The following RIN2 variants were observed in gnomAD, a reference collection of about 807,000 sequenced individuals.
RIN2 encodes the protein RAB5 interacting protein 2.
RIN2 carries 36 observed loss-of-function variants against 78.0 expected under a neutral mutation model. The ratio of observed to expected loss-of-function variants is 0.46; its 90% CI spans 0.35 to 0.61. The LOEUF (loss-of-function observed/expected upper bound fraction) is 0.61, where lower values mean the gene tolerates loss of function less well. Ranked by LOEUF, RIN2 falls within the 20% of genes least tolerant of loss-of-function variation. The pLI is 0.00. For synonymous variants in RIN2, 466 were observed against 466.8 expected, an observed-to-expected ratio of 1.00 and a Z score of 0.02; for missense variants, 1,087 against 1,159.7, an observed-to-expected ratio of 0.94 and a Z score of 0.91.
In RIN2 at chr20:19,984,036, C is replaced by T. The variant is rs112909403; in HGVS notation, c.1763-5970C>T. Among the ~76,000 whole-genome samples the T allele has an allele frequency of 1.5e-4, 21 of 142,778 alleles. No homozygotes were observed. The East Asian group carries it at 3.6e-3, about 25-fold the overall frequency. The allele number at this position is 142,778 out of a possible 152,430, so 93.7% of individuals were successfully genotyped here. A position where few individuals can be genotyped will look rare whatever the true frequency, so the allele number is the denominator to read the frequency against. The stretch of plus-strand genomic sequence containing the variant: ...TAATGCTATCCCTCCCCCCTCCTCC[C>T]ACCCAACAACAGGCCCCCATGAAGC... On this transcript the variant is annotated intron_variant, in intron 9 of 12. Transcript: ENST00000255006.
At chr20:19,859,646 A>G (rs537905556) in intron 2 of RIN2, among the ~76,000 whole-genome samples, 1 of 152,018 alleles carries the variant, frequency 6.6e-6, no homozygotes, top group African/African-American at 2.4e-5. Context: ...CATGCTGACA[A>G]CTCCCACGTG....
Position 19,923,492 on chromosome 20 carries a change from T to A in RIN2, c.58-11607T>A, listed in dbSNP as rs116541578. Among the ~76,000 whole-genome samples, 162 of 139,408 alleles carry A rather than the reference T, an allele frequency of 1.2e-3. 1 individual carries two copies. Among genetic ancestry groups the A allele is most frequent in the African/African-American group, 4.5e-3 (156 of 34,588 alleles). 91.5% of individuals were successfully genotyped at this position (139,408 alleles called of 152,430 possible). A position where few individuals can be genotyped will look rare whatever the true frequency, so the allele number is the denominator to read the frequency against. On this transcript the variant is annotated intron_variant, in intron 3 of 12. Transcript: ENST00000255006. Reference sequence around the variant, plus strand: ...AATAAATAAAATAAAATAAAATAAATATTGGCTGAGAGGTGTGGTTCACAC... The same window carrying A: ...AATAAATAAAATAAAATAAAATAAAAATTGGCTGAGAGGTGTGGTTCACAC...
chr20:19,934,656 C>T, intron 3 of RIN2: 1 of 929,744 alleles, frequency 1.1e-6, no homozygotes, highest in South Asian at 5.0e-5. Flanking sequence ...AAACTCATTT[C>T]TATAACAAAA....
chr20:19,901,920 G>T (rs2038999847), intron 3 of RIN2, among the ~76,000 whole-genome samples: 1 of 151,044 alleles, frequency 6.6e-6, no homozygotes, highest in Non-Finnish European at 1.5e-5. Context: ...GGAAGCTGAG[G>T]CAGGAGAATC....
In RIN2 at chr20:19,956,733, A is replaced by G. The variant is rs1555800471; in HGVS notation, c.277A>G (p.Thr93Ala). The change falls in exon 5 of 13, where the codon ACC (threonine) becomes GCC (alanine). Residue 93 changes from threonine to alanine, a missense_variant. Physicochemically the swap from Thr to Ala is moderately conservative, Grantham distance 58 (BLOSUM62 0). This residue lies in a region of RIN2 where 706 missense variants were observed against 667.5 expected (regional missense o/e 1.06). Coordinates refer to ENST00000255006, the MANE Select transcript of RIN2 (RefSeq NM_018993.4). ...CAGCATCTTGGACCGGCTCCTCCACACCCACCCCATATGGCTGCAGCTGAG... is the reference window on the plus strand; with the variant it reads ...CAGCATCTTGGACCGGCTCCTCCACGCCCACCCCATATGGCTGCAGCTGAG... ...RLSILDRLLH[T>A]HPIWLQLSLS... The G allele has an allele frequency of 1.2e-6, 2 of 1,609,742 alleles. No individual in the cohort carries two copies. Among genetic ancestry groups the G allele is most frequent in the Non-Finnish European group, 1.7e-6 (2 of 1,178,246 alleles).
chr20:19,990,332 G>T (rs780124184), intron 10 of RIN2, 21 bp downstream of exon 10: 1 of 1,591,374 alleles, frequency 6.3e-7, no homozygotes, highest in Non-Finnish European at 8.6e-7. Flanking sequence ...TGGAAGCCCA[G>T]GCTTCGTGCC....
chr20:19,952,659 G>A (rs980775908), intron 4 of RIN2, among the ~76,000 whole-genome samples: 1 of 152,142 alleles, frequency 6.6e-6, no homozygotes, highest in Non-Finnish European at 1.5e-5. Flanking sequence ...CACAGGATGC[G>A]CCCTTCTAGG....
intron 2 of RIN2, among the ~76,000 whole-genome samples, chr20:19,844,669 C>CTTCTTCCTCTTCTT (rs1232176696): frequency 3.9e-5 from 3 of 76,166 alleles, no homozygotes; most frequent in African/African-American, 1.9e-4. Context: ...TCTTCTTCTT[C>CTTCTTCCTCTTCTT]CTTCTTCTTC....
At chr20:19,890,515 G>A (rs2038398626) in intron 3 of RIN2, among the ~76,000 whole-genome samples, 1 of 152,104 alleles carries the variant, frequency 6.6e-6, no homozygotes. Context: ...ACCAGGTCTT[G>A]TCCTCAGAGG....
chr20:19,855,504 C>G (rs1312300529), intron 2 of RIN2, among the ~76,000 whole-genome samples: 1 of 152,152 alleles, frequency 6.6e-6, no homozygotes, highest in African/African-American at 2.4e-5. Flanking sequence ...GTGAATCCGT[C>G]TGGTCCTGGA....
At chr20:19,784,617 G>T (rs2034614167) in intron 1 of RIN2, among the ~76,000 whole-genome samples, 1 of 152,080 alleles carries the variant, frequency 6.6e-6, no homozygotes, top group Admixed American at 6.6e-5. Flanking sequence ...AAGCCCTCAG[G>T]ATTACTAAGA....
At chr20:19,967,989 G>T (rs1341844064) in intron 7 of RIN2, among the ~76,000 whole-genome samples, 1 of 152,150 alleles carries the variant, frequency 6.6e-6, no homozygotes, top group Non-Finnish European at 1.5e-5. Flanking sequence ...ACAGTTACGG[G>T]AGTTGAACTC....
chr20:19,951,214 A>G (rs1013417723), intron 4 of RIN2, among the ~76,000 whole-genome samples: 7 of 152,206 alleles, frequency 4.6e-5, no homozygotes, highest in African/African-American at 1.7e-4. Context: ...GATGCCATAT[A>G]TGAGTTCCAG....
chr20:19,998,431 G>A (rs562884888), intron 12 of RIN2, among the ~76,000 whole-genome samples: 16 of 152,078 alleles, frequency 1.1e-4, no homozygotes, highest in African/African-American at 2.7e-4. Flanking sequence ...ACTCCATCTC[G>A]ACAAAACAAC....
At chr20:19,774,084 T>C (rs1211441212) in intron 1 of RIN2, among the ~76,000 whole-genome samples, 1 of 152,086 alleles carries the variant, frequency 6.6e-6, no homozygotes, top group East Asian at 1.9e-4. Context: ...GTCAACCAGC[T>C]ACCATAGGCA....
intron 4 of RIN2, 122 bp from the exon 5 acceptor site, chr20:19,956,493 G>A (rs1257125500): frequency 7.6e-6 from 6 of 788,996 alleles, no homozygotes; most frequent in Non-Finnish European, 1.3e-5. Context: ...GATGATTAAG[G>A]GGGCGATCAC....
intron 3 of RIN2, among the ~76,000 whole-genome samples, chr20:19,902,611 G>A (rs1416715097): frequency 6.6e-6 from 1 of 152,138 alleles, no homozygotes; most frequent in Admixed American, 6.6e-5. Flanking sequence ...CTCAGTCCGA[G>A]GGAGCTGGGG....
chr20:19,818,668 G>A lies in RIN2; in HGVS notation c.-37+18921G>A, dbSNP rs965041186. Among the ~76,000 whole-genome samples, 14 of 149,186 alleles carry A rather than the reference G, an allele frequency of 9.4e-5. No individual in the cohort carries two copies. In the Admixed American group the frequency reaches 9.4e-4, roughly 10 times the overall value. On this transcript the variant is annotated intron_variant, in intron 2 of 12. Transcript: ENST00000255006. Reference sequence around the variant, plus strand: ...AATTGCTTGAACCCGGAAGGCAGAAGTTGCAGTAAGCCGAGATGGCTCCAT... The same window carrying A: ...AATTGCTTGAACCCGGAAGGCAGAAATTGCAGTAAGCCGAGATGGCTCCAT...
intron 2 of RIN2, among the ~76,000 whole-genome samples, chr20:19,878,669 G>A (rs763272422): frequency 1.3e-5 from 2 of 152,002 alleles, no homozygotes; most frequent in Admixed American, 6.6e-5. Context: ...CCCTGAAAAT[G>A]CCAGTGTCCA....
Sources: allele counts gnomAD v4.1 joint callset (sites outside exome capture counted in the v4.1 genomes callset), GRCh38; gene constraint gnomAD v4.1.1; regional missense constraint gnomAD v4.1.1; transcripts MANE v1.5; gene names NCBI Gene and HGNC (gene_info 2026-07-23, HGNC 2026-07-21).